Variants in GANC observed in about 807,000 individuals in gnomAD.
The protein encoded by GANC is glucosidase alpha, neutral C.
A neutral mutation model predicts 124.2 loss-of-function variants in GANC; 117 were observed. The observed-to-expected ratio is 0.94, with a 90% CI of 0.81 to 1.10. The LOEUF (loss-of-function observed/expected upper bound fraction) is 1.10. Among genes scored for constraint, GANC ranks in the 50% least tolerant of loss-of-function variants. GANC has a pLI of 0.00. For missense variants in GANC, 1,140 were observed against 1,095.0 expected, an observed-to-expected ratio of 1.04 and a Z score of -0.58; for synonymous variants, 377 against 376.8, an observed-to-expected ratio of 1.00 and a Z score of -0.01.
At chr15:42,278,697 A>C in intron 3 of GANC, 107 bp downstream of exon 3, 1 of 741,484 alleles carries the variant, frequency 1.3e-6, no homozygotes, top group Non-Finnish European at 2.2e-6. Context: ...CTCGTTAGAA[A>C]AGGAATATCA....
intron 19 of GANC, among the ~76,000 whole-genome samples, chr15:42,344,205 AC>A (rs1211183436): frequency 1.3e-5 from 2 of 152,142 alleles, no homozygotes; most frequent in African/African-American, 2.4e-5. Context: ...AAACAACAAA[AC>A]TTTATTCTCT....
intron 7 of GANC, among the ~76,000 whole-genome samples, chr15:42,307,152 A>C (rs2052005123): frequency 6.6e-6 from 1 of 151,834 alleles, no homozygotes; most frequent in African/African-American, 2.4e-5. Flanking sequence ...AAAAATACTC[A>C]CTTTCCTCTT....
intron 3 of GANC, chr15:42,281,142 A>G (rs1420960473): frequency 1.4e-6 from 1 of 702,232 alleles, no homozygotes; most frequent in South Asian, 1.5e-5. Context: ...AGGTATTAGA[A>G]ATATCAGAAC....
chr15:42,286,850 A>G (rs1269390483), intron 3 of GANC, among the ~76,000 whole-genome samples: 1 of 152,228 alleles, frequency 6.6e-6, no homozygotes, highest in African/African-American at 2.4e-5. Context: ...GTAACAACAC[A>G]GGCACCCAGT....
intron 1 of GANC, 40 bp downstream of exon 1, chr15:42,274,550 C>T: frequency 6.3e-7 from 1 of 1,576,688 alleles, no homozygotes; most frequent in Non-Finnish European, 8.6e-7. Context: ...ACCCCAGGGT[C>T]CCTAGAAACA....
chr15:42,340,829 C>G, intron 18 of GANC, 75 bp downstream of exon 18: 1 of 1,195,858 alleles, frequency 8.4e-7, no homozygotes, highest in Non-Finnish European at 1.2e-6. Flanking sequence ...TGCAGTGATG[C>G]TATCTCGGCT....
Position 42,352,686 on chromosome 15 carries a change from A to G in GANC, c.*547A>G. ...GGGAGTTATTCTCCCCTAGAGATCG[A>G]CTTGGCAGCACGAAGGATTCTTTTC... is the stretch of plus-strand genomic sequence containing the variant. On this transcript the variant is annotated 3_prime_UTR_variant, in exon 24 of 24. Coordinates refer to ENST00000318010, the MANE Select transcript of GANC (RefSeq NM_198141.3). 1.0e-6 allele frequency: 1 copy of G among 985,968 alleles called. No homozygotes were observed. Among genetic ancestry groups the G allele is most frequent in the South Asian group, 4.7e-5 (1 of 21,292 alleles). 61.1% of individuals were successfully genotyped at this position (985,968 alleles called of 1,614,324 possible). A position where few individuals can be genotyped will look rare whatever the true frequency, so the allele number is the denominator to read the frequency against.
rs1174546257 is a variant in GANC, at chr15:42,348,305, A to G, written c.2418+89A>G. Reference sequence around the variant, plus strand: ...TGTGTGACACTACGTAAAAGTGGTGAGCTCCTGACATTTATCTAGAAATCA... The same window carrying G: ...TGTGTGACACTACGTAAAAGTGGTGGGCTCCTGACATTTATCTAGAAATCA... On this transcript the variant is annotated intron_variant, in intron 21 of 23. Transcript: ENST00000318010. 7.0e-6 allele frequency: 5 copies of G among 717,736 alleles called. No homozygotes were observed. The East Asian group carries it at 1.2e-4, about 17-fold the overall frequency. The allele number at this position is 717,736 out of a possible 1,614,324, so 44.5% of individuals were successfully genotyped here. A position where few individuals can be genotyped will look rare whatever the true frequency, so the allele number is the denominator to read the frequency against.
At chr15:42,324,147 G>A (rs1247662620) in intron 11 of GANC, among the ~76,000 whole-genome samples, 1 of 151,682 alleles carries the variant, frequency 6.6e-6, no homozygotes, top group Non-Finnish European at 1.5e-5. Flanking sequence ...CTCCAAAGAA[G>A]ATACACAAAT....
In GANC at chr15:42,273,671, A is replaced by C. The variant is rs758973373; in HGVS notation, c.-811A>C. On this transcript the variant is annotated 5_prime_UTR_variant, in exon 1 of 24. Transcript: ENST00000318010. ...CTGGCCTGAGTCTTTTCTGTCTCCC[A>C]GCCGTTAAAGGTTTTAGGACCAGGC... The C allele has an allele frequency of 2.2e-4, 103 of 472,830 alleles. No homozygotes were observed. Among genetic ancestry groups the C allele is most frequent in the Non-Finnish European group, 3.2e-4 (85 of 262,402 alleles). The allele number at this position is 472,830 out of a possible 1,614,324, so 29.3% of individuals were successfully genotyped here.
intron 6 of GANC, among the ~76,000 whole-genome samples, chr15:42,304,114 T>C (rs2051972197): frequency 6.6e-6 from 1 of 152,064 alleles, no homozygotes; most frequent in Non-Finnish European, 1.5e-5. Flanking sequence ...AGTAAAACAC[T>C]CCTCAGCAAA....
chr15:42,337,728 T>C (rs984683753), intron 15 of GANC, among the ~76,000 whole-genome samples: 1 of 152,182 alleles, frequency 6.6e-6, no homozygotes, highest in African/African-American at 2.4e-5. Flanking sequence ...ATATTTTTTT[T>C]AAATGAGCAA....
At position 42,330,598 on chromosome 15, in the gene GANC, T is replaced by G; in HGVS notation, c.1667T>G (p.Leu556Arg). The G allele has an allele frequency of 3.1e-6, 5 of 1,612,002 alleles. No homozygotes were observed. The highest frequency in any genetic ancestry group is 3.3e-4 in the Middle Eastern group (2 of 6,054). The stretch of plus-strand genomic sequence containing the variant: ...TAGCAAATGGCTACTGCAGAAGGAC[T>G]GATAAAACGATCTAAAGGGAAGGAG... ...FYHQMATAEG[L>R]IKRSKGKERP... Residue 556 changes from leucine (L) to arginine (R), a missense_variant, in exon 15 of 24, where the codon CTG becomes CGG. Leu to Arg is a moderately radical substitution (Grantham distance 102, BLOSUM62 -2). Coordinates refer to ENST00000318010, the MANE Select transcript of GANC (RefSeq NM_198141.3).
At chr15:42,319,692 C>T (rs1223493000) in intron 10 of GANC, among the ~76,000 whole-genome samples, 3 of 152,056 alleles carry the variant, frequency 2.0e-5, no homozygotes, top group East Asian at 1.9e-4. Flanking sequence ...TAGCACACCA[C>T]GTTAAATGAC....
chr15:42,326,227 G>A, intron 11 of GANC, 71 bp from the exon 12 acceptor site: 1 of 1,105,310 alleles, frequency 9.0e-7, no homozygotes. Context: ...CCAAACTATG[G>A]CGAAAACATA....
At chr15:42,296,769 A>G (rs2051896158) in intron 5 of GANC, among the ~76,000 whole-genome samples, 1 of 152,116 alleles carries the variant, frequency 6.6e-6, no homozygotes, top group South Asian at 2.1e-4. Flanking sequence ...GTCTTTTCTA[A>G]AAAAACTTTT....
At chr15:42,336,800 G>A (rs1285451916) in intron 15 of GANC, among the ~76,000 whole-genome samples, 1 of 151,926 alleles carries the variant, frequency 6.6e-6, no homozygotes, top group East Asian at 1.9e-4. Context: ...AAAACAAACA[G>A]CCCCATTAAA....
intron 17 of GANC, 125 bp downstream of exon 17, chr15:42,340,037 C>T: frequency 7.6e-7 from 1 of 1,310,846 alleles, no homozygotes; most frequent in Non-Finnish European, 1.0e-6. Context: ...CATGTTTAAT[C>T]AAGTTTCAAT....
chr15:42,323,805 G>T (rs1304963014), intron 11 of GANC, among the ~76,000 whole-genome samples: 1 of 152,128 alleles, frequency 6.6e-6, no homozygotes, highest in Non-Finnish European at 1.5e-5. Flanking sequence ...ATCTGGCCTA[G>T]AAGTGCATTT....
Sources: gnomAD v4.1 joint callset for allele counts (sites outside exome capture counted in the v4.1 genomes callset) on GRCh38, gnomAD v4.1.1 for gene constraint, MANE v1.5 for transcripts, NCBI Gene and HGNC (gene_info 2026-07-23, HGNC 2026-07-21) for gene names.